Variants in PASD1 observed in about 807,000 individuals in gnomAD.
PASD1 encodes the protein PAS domain containing repressor 1.
Under a neutral mutation model 58.8 loss-of-function variants are expected in PASD1, and 13 were observed. That is an observed-to-expected ratio of 0.22 (90% confidence interval 0.14 to 0.35). The LOEUF (loss-of-function observed/expected upper bound fraction) is 0.35, where lower values mean the gene tolerates loss of function less well. PASD1 is among the 10% of genes least tolerant of loss of function. The probability of loss-of-function intolerance (pLI) is 1.00; values close to 1 mark genes in which losing one functional copy is unlikely to be tolerated. For synonymous variants in PASD1, 236 were observed against 216.7 expected (o/e 1.09, Z -0.78); for missense variants, 734 against 568.3 (o/e 1.29, Z -2.96).
rs1306320372 is a variant in PASD1, at chrX:151,623,005, C to G, written c.487C>G (p.Gln163Glu). 11 of 1,209,401 alleles carry G rather than the reference C, an allele frequency of 9.1e-6. No individual in the cohort carries two copies. Among genetic ancestry groups the G allele is most frequent in the Non-Finnish European group, 1.2e-5 (11 of 893,657 alleles). ...LCADFAACVP[Q>E]EDRLYLVGNV... ...TGCTGACTTTGCTGCATGTGTTCCTCAGGAGGATCGGCTTTATCTTGTGGG... is the reference window on the plus strand; with the variant it reads ...TGCTGACTTTGCTGCATGTGTTCCTGAGGAGGATCGGCTTTATCTTGTGGG... Residue 163 changes from glutamine (Q) to glutamate (E), a missense_variant, in exon 7 of 16, where the codon CAG becomes GAG. Physicochemically the swap from Gln to Glu is conservative, Grantham distance 29. Transcript: ENST00000370357.
At chrX:151,656,378 C>T (rs1449361832) in intron 9 of PASD1, among the ~76,000 whole-genome samples, 5 of 111,333 alleles carry the variant, frequency 4.5e-5, no homozygotes, top group South Asian at 3.8e-4. Context: ...GTAGTTTTTT[C>T]CAATTCTGTG....
At chrX:151,642,189 C>T (rs779748064) in intron 8 of PASD1, among the ~76,000 whole-genome samples, 66 of 111,828 alleles carry the variant, frequency 5.9e-4, no homozygotes, top group African/African-American at 1.9e-3. Flanking sequence ...CAAGTGAGAA[C>T]GCAATGGGCT....
intron 9 of PASD1, among the ~76,000 whole-genome samples, chrX:151,653,794 CTTTCT>C (rs1569413715): frequency 1.8e-3 from 33 of 18,392 alleles, no homozygotes; most frequent in East Asian, 0.011. Context: ...TTCTTTCTTT[CTTTCT>C]TTCCTTCCTT....
At chrX:151,583,128 C>T (rs991870916) in intron 1 of PASD1, among the ~76,000 whole-genome samples, 6 of 110,911 alleles carry the variant, frequency 5.4e-5, no homozygotes, top group Non-Finnish European at 9.4e-5. Context: ...TGAAAAAGGG[C>T]CAATGCTAAG....
intron 3 of PASD1, among the ~76,000 whole-genome samples, chrX:151,605,430 C>T (rs962605899): frequency 9.0e-6 from 1 of 111,262 alleles, no homozygotes; most frequent in African/African-American, 3.3e-5. Context: ...TCAGTACTGG[C>T]TGACCACCCA....
chrX:151,607,534 C>A (rs762434710), intron 3 of PASD1, among the ~76,000 whole-genome samples: 16 of 111,586 alleles, frequency 1.4e-4, no homozygotes, highest in African/African-American at 4.9e-4. Context: ...AGTTTATTAC[C>A]AAGCTGGATA....
chrX:151,653,866 C>CTTTCTTTCTTTCTTT (rs2014191715), intron 9 of PASD1, among the ~76,000 whole-genome samples: 17 of 33,293 alleles, frequency 5.1e-4, no homozygotes, highest in African/African-American at 1.4e-3. Flanking sequence ...CTCCCTCCCT[C>CTTTCTTTCTTTCTTT]CCTCTTTCTT....
chrX:151,586,368 G>C (rs1430126613), intron 1 of PASD1, among the ~76,000 whole-genome samples: 1 of 111,823 alleles, frequency 8.9e-6, no homozygotes, highest in East Asian at 2.8e-4. Context: ...CACCTTCCTT[G>C]AGAGTTGAAA....
rs1475892034 is a variant in PASD1, at chrX:151,667,514, G to A, written c.1071+3166G>A. On this transcript the variant is annotated intron_variant, in intron 11 of 15. Transcript: ENST00000370357. ...TTCTTCTATGGCTTTGTGGTTTTAC[G>A]TCTAACATTTAAGTCTTTAATCCAT... 8.0e-5 allele frequency among the ~76,000 whole-genome samples: 9 copies of A among 112,224 alleles called. No individual in the cohort carries two copies. The South Asian group carries it at 1.1e-3, about 14-fold the overall frequency.
intron 11 of PASD1, among the ~76,000 whole-genome samples, chrX:151,667,596 T>C (rs1387383194): frequency 8.9e-6 from 1 of 112,402 alleles, no homozygotes; most frequent in Non-Finnish European, 1.9e-5. Context: ...GCTTTCTACA[T>C]ATGGCTAGCC....
chrX:151,575,489 C>G (rs893071634), intron 1 of PASD1, among the ~76,000 whole-genome samples: 4 of 111,661 alleles, frequency 3.6e-5, no homozygotes, highest in African/African-American at 9.8e-5. Flanking sequence ...TTTTCAATCT[C>G]TCATTCTCAG....
intron 8 of PASD1, among the ~76,000 whole-genome samples, chrX:151,630,760 G>A (rs1368280780): frequency 5.3e-5 from 6 of 112,630 alleles, no homozygotes; most frequent in African/African-American, 1.9e-4. Context: ...TGCTTATGAA[G>A]GAAACACAAA....
In PASD1 at chrX:151,672,225, C is replaced by T. The variant is rs374356073; in HGVS notation, c.1480C>T (p.Arg494Trp). The T allele has an allele frequency of 7.6e-4, 864 of 1,136,184 alleles. No homozygotes were observed. The highest frequency in any genetic ancestry group is 8.7e-4 in the Non-Finnish European group (738 of 850,730). The allele number at this position is 1,136,184 out of a possible 1,213,427, so 93.6% of individuals were successfully genotyped here. Reference protein sequence around the residue: ...QQEQHLKEQQRQLREQLQQLR... With the variant: ...QQEQHLKEQQWQLREQLQQLR... ...AGAACAACACCTGAAGGAGCAGCAG[C>T]GGCAGCTGCGGGAGCAGCTGCAACA... Residue 494 changes from arginine (R) to tryptophan (W), a missense_variant, in exon 14 of 16, where the codon CGG becomes TGG. Arg to Trp is a moderately radical substitution (Grantham distance 101). Coordinates refer to ENST00000370357, the MANE Select transcript of PASD1 (RefSeq NM_173493.3).
At chrX:151,610,655 T>C (rs916457199) in intron 3 of PASD1, among the ~76,000 whole-genome samples, 2 of 111,875 alleles carry the variant, frequency 1.8e-5, no homozygotes, top group Middle Eastern at 4.2e-3. Flanking sequence ...ACCCTCACTT[T>C]AAAATAATTC....
chrX:151,622,496 G>A (rs1427932996), intron 6 of PASD1, among the ~76,000 whole-genome samples: 2 of 109,547 alleles, frequency 1.8e-5, no homozygotes, highest in African/African-American at 3.3e-5. Context: ...ATTAACTCAC[G>A]CAAAAGGTGG....
At chrX:151,656,981 A>T (rs2014250901) in intron 9 of PASD1, among the ~76,000 whole-genome samples, 1 of 111,669 alleles carries the variant, frequency 9.0e-6, no homozygotes, top group Non-Finnish European at 1.9e-5. Context: ...TCAGTATGAT[A>T]TTGGCTGTGG....
intron 1 of PASD1, among the ~76,000 whole-genome samples, chrX:151,582,823 C>A (rs2013116789): frequency 6.0e-5 from 1 of 16,603 alleles, no homozygotes; most frequent in Admixed American, 1.3e-3. Context: ...ACTCTCTCTC[C>A]TATTTTTTTT....
At chrX:151,620,433 C>T (rs1348121446) in intron 4 of PASD1, among the ~76,000 whole-genome samples, 8 of 35,858 alleles carry the variant, frequency 2.2e-4, no homozygotes, top group Non-Finnish European at 9.9e-4. Flanking sequence ...CAGATGTTGA[C>T]ATTTCCCATT....
At chrX:151,666,159 T>G (rs113077781) in intron 11 of PASD1, among the ~76,000 whole-genome samples, 2,865 of 109,779 alleles carry the variant, frequency 0.026, 86 homozygotes, top group African/African-American at 0.09. Flanking sequence ...GTTGCAAGTG[T>G]AGGTACCTTT....
Sources: allele counts gnomAD v4.1 joint callset (sites outside exome capture counted in the v4.1 genomes callset), GRCh38; gene constraint gnomAD v4.1.1; transcripts MANE v1.5; gene names NCBI Gene and HGNC (gene_info 2026-07-23, HGNC 2026-07-21).